The following TSHZ2 variants were observed in gnomAD, a reference collection of about 807,000 sequenced individuals.
TSHZ2 encodes teashirt homolog 2.
In TSHZ2, 21 loss-of-function variants were observed where a neutral mutation model predicts 74.4. The observed-to-expected ratio is 0.28, with a 90% CI of 0.20 to 0.41. The LOEUF (loss-of-function observed/expected upper bound fraction) is 0.41, where lower values mean the gene tolerates loss of function less well. Ranked by LOEUF, TSHZ2 falls within the 10% of genes least tolerant of loss-of-function variation. TSHZ2 has a pLI of 1.00. For missense variants in TSHZ2, 1,244 were observed against 1,293.5 expected (o/e 0.96, Z 0.59); for synonymous variants, 540 against 515.3 (o/e 1.05, Z -0.65).
At position 53,490,198 on chromosome 20, in the gene TSHZ2, T is replaced by C. The variant is rs1198450645; in HGVS notation, c.*3063T>C. On this transcript the variant is annotated 3_prime_UTR_variant, in exon 3 of 3. Coordinates refer to ENST00000371497, the MANE Select transcript of TSHZ2 (RefSeq NM_173485.6). ...TATGTCAATATTTAAATGTTACATA[T>C]TTGGCCCTATTTTGTAGTTCAGCAA... is the stretch of plus-strand genomic sequence containing the variant. 1 of 152,240 alleles carries C rather than the reference T, an allele frequency of 6.6e-6. No individual in the cohort carries two copies. The highest frequency in any genetic ancestry group is 1.9e-4 in the East Asian group (1 of 5,198). 9.4% of individuals were successfully genotyped at this position (152,240 alleles called of 1,614,324 possible). A position where few individuals can be genotyped will look rare whatever the true frequency, so the allele number is the denominator to read the frequency against.
At chr20:53,147,587 G>A (rs1379971532) in intron 1 of TSHZ2, among the ~76,000 whole-genome samples, 1 of 152,176 alleles carries the variant, frequency 6.6e-6, no homozygotes, top group Non-Finnish European at 1.5e-5. Flanking sequence ...ATTGTTGGTT[G>A]CCATATCACT....
At chr20:53,285,118 C>A (rs771018869) in intron 2 of TSHZ2, among the ~76,000 whole-genome samples, 1 of 152,094 alleles carries the variant, frequency 6.6e-6, no homozygotes, top group Non-Finnish European at 1.5e-5. Context: ...TTGTAGCTAC[C>A]ACCATTTCCC....
chr20:53,207,858 C>CTTT (rs58457116), intron 1 of TSHZ2, among the ~76,000 whole-genome samples: 1,110 of 96,654 alleles, frequency 0.011, 37 homozygotes, highest in African/African-American at 0.044. Flanking sequence ...CATTGTTTTA[C>CTTT]TTTTTTTTTT....
intron 1 of TSHZ2, among the ~76,000 whole-genome samples, chr20:53,119,160 C>A (rs76959771): frequency 0.064 from 9,772 of 152,174 alleles, 672 homozygotes; most frequent in East Asian, 0.3. Flanking sequence ...GACACAGATC[C>A]AAACCCTTTC....
chr20:53,255,282 T>C lies in TSHZ2; in HGVS notation c.1824T>C (p.Asp608=), dbSNP rs1185682027. 19 of 1,613,986 alleles carry C rather than the reference T, an allele frequency of 1.2e-5. No homozygotes were observed. Among genetic ancestry groups the C allele is most frequent in the Non-Finnish European group, 1.6e-5 (19 of 1,180,030 alleles). The change falls in exon 2 of 3, where the codon GAT becomes GAC. Residue 608 remains aspartate (D), a synonymous_variant. Coordinates refer to ENST00000371497, the MANE Select transcript of TSHZ2 (RefSeq NM_173485.6). This position sits in a 1 kb window ranked among gnomAD's most constrained non-coding sequence, Gnocchi z 4.1. ...TCAAGAAAGAGTCAGAAGACAAAGA[T>C]GAAGCGGTGAAGGAGTGTGGGAAAG... is the stretch of plus-strand genomic sequence containing the variant. ...TQVKKESEDK[D]EAVKECGKES...
In TSHZ2 at chr20:53,123,569, C is replaced by G. The variant is rs137876113; in HGVS notation, c.41-129930C>G. On this transcript the variant is annotated intron_variant, in intron 1 of 2. Coordinates refer to ENST00000371497, the MANE Select transcript of TSHZ2 (RefSeq NM_173485.6). ...CAATGGCTGAGGGTAAAAGCCTGAA[C>G]AAGTCCATTCAGGTAAGCATTTTTC... Among the ~76,000 whole-genome samples the G allele has an allele frequency of 6.0e-3, 920 of 152,226 alleles. 5 individuals are homozygous for G. Among genetic ancestry groups the G allele is most frequent in the Non-Finnish European group, 7.7e-3 (526 of 68,014 alleles).
intron 1 of TSHZ2, among the ~76,000 whole-genome samples, chr20:53,013,479 G>T (rs1229101614): frequency 6.6e-6 from 1 of 152,162 alleles, no homozygotes; most frequent in Admixed American, 6.5e-5. Flanking sequence ...AACAGGAAAG[G>T]GTCCTCAGCA....
At chr20:53,390,066 G>A (rs558287908) in intron 2 of TSHZ2, among the ~76,000 whole-genome samples, 145 of 152,312 alleles carry the variant, frequency 9.5e-4, no homozygotes, top group Non-Finnish European at 1.5e-3. Flanking sequence ...GGGTGGGGAG[G>A]CAGCAGAGAG....
intron 2 of TSHZ2, among the ~76,000 whole-genome samples, chr20:53,476,189 A>T (rs549522684): frequency 1.4e-5 from 2 of 146,646 alleles, no homozygotes; most frequent in South Asian, 4.5e-4. Flanking sequence ...TACCAAAGCC[A>T]GGCAGAGACA....
At chr20:53,436,900 C>G (rs1410365812) in intron 2 of TSHZ2, among the ~76,000 whole-genome samples, 2 of 152,080 alleles carry the variant, frequency 1.3e-5, no homozygotes, top group Non-Finnish European at 2.9e-5. Flanking sequence ...CTGTGTGATT[C>G]CAGGATAAGC....
chr20:53,362,345 T>G (rs1392400209), intron 2 of TSHZ2, among the ~76,000 whole-genome samples: 2 of 151,788 alleles, frequency 1.3e-5, no homozygotes, highest in African/African-American at 4.8e-5. Context: ...CCACCACGCC[T>G]GACTAATTTT....
intron 1 of TSHZ2, among the ~76,000 whole-genome samples, chr20:53,172,908 G>T (rs1320294018): frequency 2.6e-5 from 4 of 152,162 alleles, no homozygotes; most frequent in African/African-American, 9.7e-5. Flanking sequence ...TAGGAGGTAG[G>T]CTCTGAAGAC....
At chr20:53,478,213 A>G (rs1192384564) in intron 2 of TSHZ2, among the ~76,000 whole-genome samples, 2 of 150,974 alleles carry the variant, frequency 1.3e-5, no homozygotes, top group Admixed American at 6.6e-5. Flanking sequence ...ACATGCACAC[A>G]TATGTTTATT....
At chr20:53,003,213 G>T (rs1013907235) in intron 1 of TSHZ2, among the ~76,000 whole-genome samples, 3 of 150,664 alleles carry the variant, frequency 2.0e-5, no homozygotes, top group Non-Finnish European at 4.4e-5. Flanking sequence ...TCTACCTGGG[G>T]TTCTATTTTA....
chr20:53,128,584 C>T (rs531082572), intron 1 of TSHZ2, among the ~76,000 whole-genome samples: 1 of 151,954 alleles, frequency 6.6e-6, no homozygotes, highest in East Asian at 1.9e-4. Context: ...TATCAATTCG[C>T]TATATTATTT....
At chr20:53,454,248 T>C (rs1034642600) in intron 2 of TSHZ2, among the ~76,000 whole-genome samples, 11 of 152,132 alleles carry the variant, frequency 7.2e-5, no homozygotes, top group Non-Finnish European at 1.2e-4. Context: ...GGCTGTCTGA[T>C]GAAACCCGTG....
At chr20:53,084,699 C>T (rs1307477537) in intron 1 of TSHZ2, among the ~76,000 whole-genome samples, 1 of 133,756 alleles carries the variant, frequency 7.5e-6, no homozygotes, top group Non-Finnish European at 1.6e-5. Context: ...CCCTCTCTCC[C>T]TCTCTCCCTC....
chr20:53,460,797 A>G (rs1160277986), intron 2 of TSHZ2, among the ~76,000 whole-genome samples: 3 of 152,086 alleles, frequency 2.0e-5, no homozygotes, highest in African/African-American at 4.8e-5. Context: ...GTCTGTTGGA[A>G]TACCCTGCCG....
intron 2 of TSHZ2, among the ~76,000 whole-genome samples, chr20:53,368,586 C>T (rs999197323): frequency 6.6e-6 from 1 of 152,192 alleles, no homozygotes. Context: ...GCTGGGATTA[C>T]AGGCGTGAGC....
Sources: gnomAD v4.1 joint callset for allele counts (sites outside exome capture counted in the v4.1 genomes callset) on GRCh38, gnomAD v4.1.1 for gene constraint, Gnocchi (gnomAD v3.1) non-coding constraint, MANE v1.5 for transcripts, NCBI Gene and HGNC (gene_info 2026-07-23, HGNC 2026-07-21) for gene names.